Variants in NTAQ1 observed in about 807,000 individuals in gnomAD.
NTAQ1 encodes the protein N-terminal glutamine amidase 1, also known as protein N-terminal glutamine amidohydrolase.
A neutral mutation model predicts 28.2 loss-of-function variants in NTAQ1; 21 were observed. The observed-to-expected ratio is 0.74, with a 90% CI of 0.53 to 1.07. NTAQ1 has a LOEUF of 1.07. NTAQ1 is among the 50% of genes least tolerant of loss of function. The pLI, the probability that NTAQ1 is intolerant of heterozygous loss-of-function variation, is 0.00. For missense variants in NTAQ1, 264 were observed against 256.6 expected (o/e 1.03, Z -0.20); for synonymous variants, 105 against 90.0 (o/e 1.17, Z -0.94).
chr8:123,438,285 A>G, intron 5 of NTAQ1: 4 of 674,684 alleles, frequency 5.9e-6, no homozygotes, highest in Non-Finnish European at 1.1e-5. Context: ...TCATCCCAAC[A>G]CCTGGATAAT....
chr8:123,426,433 A>G (rs931611082), intron 1 of NTAQ1, among the ~76,000 whole-genome samples: 1 of 152,150 alleles, frequency 6.6e-6, no homozygotes, highest in Non-Finnish European at 1.5e-5. Flanking sequence ...ACTTAGGAAG[A>G]TTGAGGTGGG....
At chr8:123,418,620 G>A (rs577680847) in intron 1 of NTAQ1, among the ~76,000 whole-genome samples, 1 of 152,262 alleles carries the variant, frequency 6.6e-6, no homozygotes, top group East Asian at 1.9e-4. Flanking sequence ...AAGAGGGTGG[G>A]AGCTTTGCAA....
chr8:123,454,293 ACAGT>A (rs1465800120), intron 6 of NTAQ1, among the ~76,000 whole-genome samples: 1 of 152,138 alleles, frequency 6.6e-6, no homozygotes, highest in African/African-American at 2.4e-5. Context: ...ATCTAGAGAA[ACAGT>A]CATTCATAGT....
At position 123,441,531 on chromosome 8, in the gene NTAQ1, T is replaced by A; in HGVS notation, c.*116T>A. On this transcript the variant is annotated 3_prime_UTR_variant, in exon 6 of 6. Coordinates refer to ENST00000287387, the MANE Select transcript of NTAQ1 (RefSeq NM_018024.3). ...GGCTTGGAATTATGTCTTTCTCTTTTAATTTGATTGAGTGGAAATCTGAGT... is the reference window on the plus strand; with the variant it reads ...GGCTTGGAATTATGTCTTTCTCTTTAAATTTGATTGAGTGGAAATCTGAGT... 2.5e-6 allele frequency: 2 copies of A among 812,752 alleles called. No individual in the cohort carries two copies. The highest frequency in any genetic ancestry group is 4.0e-6 in the Non-Finnish European group (2 of 502,570). The allele number at this position is 812,752 out of a possible 1,614,324, so 50.3% of individuals were successfully genotyped here.
chr8:123,464,607 C>T (rs1452941540), intron 6 of NTAQ1, among the ~76,000 whole-genome samples: 2 of 152,130 alleles, frequency 1.3e-5, no homozygotes, highest in South Asian at 2.1e-4. Context: ...GATAGGACCA[C>T]ATATTTAACT....
intron 6 of NTAQ1, among the ~76,000 whole-genome samples, chr8:123,453,996 G>A (rs1160402371): frequency 6.6e-6 from 1 of 152,202 alleles, no homozygotes; most frequent in African/African-American, 2.4e-5. Context: ...TGGGTCACTA[G>A]CAAGGTGCTG....
chr8:123,452,023 G>C (rs1029023522), downstream of NTAQ1, among the ~76,000 whole-genome samples: 1 of 152,198 alleles, frequency 6.6e-6, no homozygotes, highest in African/African-American at 2.4e-5. Flanking sequence ...CTTTTGCAGA[G>C]AGCAAAGAAC....
At chr8:123,421,438 T>A (rs2130144311) in intron 1 of NTAQ1, among the ~76,000 whole-genome samples, 1 of 152,218 alleles carries the variant, frequency 6.6e-6, no homozygotes. Context: ...TGGTTTTGAT[T>A]TGCGTTTCTC....
At chr8:123,473,341 G>A (rs564112154), downstream of NTAQ1, among the ~76,000 whole-genome samples, 41 of 150,824 alleles carry the variant, frequency 2.7e-4, no homozygotes, top group African/African-American at 9.8e-4. Flanking sequence ...TGTTGCTTAG[G>A]CTGGAGTGCA....
chr8:123,440,587 A>G (rs376623672), intron 5 of NTAQ1, among the ~76,000 whole-genome samples: 4 of 147,986 alleles, frequency 2.7e-5, no homozygotes, highest in Non-Finnish European at 6.0e-5. Context: ...ACACCCTCCA[A>G]CTCCCAGGTT....
chr8:123,442,646 C>T (rs1023282463), downstream of NTAQ1, among the ~76,000 whole-genome samples: 4 of 151,264 alleles, frequency 2.6e-5, no homozygotes, highest in Admixed American at 2.6e-4. Flanking sequence ...AATCCTCCAC[C>T]TTATGGAGGG....
chr8:123,448,459 A>G (rs1450307403), downstream of NTAQ1, among the ~76,000 whole-genome samples: 3 of 152,148 alleles, frequency 2.0e-5, no homozygotes, highest in Admixed American at 6.6e-5. Flanking sequence ...CCCAAAATAC[A>G]AAAATTAGCC....
chr8:123,418,777 A>C (rs542844982), intron 1 of NTAQ1, among the ~76,000 whole-genome samples: 4 of 152,302 alleles, frequency 2.6e-5, no homozygotes, highest in African/African-American at 9.6e-5. Flanking sequence ...GAATGGTAAG[A>C]GATGACCACT....
intron 6 of NTAQ1, among the ~76,000 whole-genome samples, chr8:123,455,625 A>G (rs1815627676): frequency 6.6e-6 from 1 of 151,804 alleles, no homozygotes; most frequent in Non-Finnish European, 1.5e-5. Context: ...GCGTTTCACC[A>G]TGTTGCCCAG....
Position 123,437,216 on chromosome 8 carries a change from TAG to T in NTAQ1, c.393_394del (p.Arg131SerfsTer14). ...DIHPQFRRKF[R>X]VIRADSYLKN... ...TATATTGATTTTTCTGCAGGAAATT[TAG>T]AGTGATCCGTGCAGATTCATATTTG... On this transcript the variant is annotated frameshift_variant, in exon 5 of 6. Coordinates refer to ENST00000287387, the MANE Select transcript of NTAQ1 (RefSeq NM_018024.3). LOFTEE classifies it high-confidence loss of function. 1 of 1,613,884 alleles carries T rather than the reference TAG, an allele frequency of 6.2e-7. No individual in the cohort carries two copies. Among genetic ancestry groups the T allele is most frequent in the Non-Finnish European group, 8.5e-7 (1 of 1,179,910 alleles).
At chr8:123,453,110 C>G (rs541445020) in intron 6 of NTAQ1, among the ~76,000 whole-genome samples, 39 of 152,292 alleles carry the variant, frequency 2.6e-4, no homozygotes, top group African/African-American at 9.1e-4. Context: ...GCTGTTTCTG[C>G]AGCCGTAAGT....
intron 3 of NTAQ1, among the ~76,000 whole-genome samples, chr8:123,431,780 T>C (rs925372574): frequency 3.9e-5 from 6 of 152,184 alleles, no homozygotes; most frequent in Admixed American, 1.3e-4. Context: ...GAGGCTTAAA[T>C]GAGGTAATGC....
chr8:123,432,256 A>G (rs10447969), intron 3 of NTAQ1, among the ~76,000 whole-genome samples: 55,118 of 152,090 alleles, frequency 0.36, 10,107 homozygotes, highest in East Asian at 0.56. Context: ...GCCAGACTAC[A>G]TATTGCCAAA....
At chr8:123,463,391 T>A (rs1815886268) in intron 6 of NTAQ1, among the ~76,000 whole-genome samples, 1 of 152,222 alleles carries the variant, frequency 6.6e-6, no homozygotes, top group Admixed American at 6.5e-5. Context: ...ATCACAGTTA[T>A]TCTTCTGGAA....
Sources: gnomAD v4.1 joint callset for allele counts (sites outside exome capture counted in the v4.1 genomes callset) on GRCh38, gnomAD v4.1.1 for gene constraint, MANE v1.5 for transcripts, NCBI Gene and HGNC (gene_info 2026-07-23, HGNC 2026-07-21) for gene names.